The following RIMS1 variants were observed in gnomAD, a reference collection of about 807,000 sequenced individuals.
RIMS1 encodes the protein regulating synaptic membrane exocytosis 1, also known as regulating synaptic membrane exocytosis protein 1.
A neutral mutation model predicts 214.1 loss-of-function variants in RIMS1; 83 were observed. That is an observed-to-expected ratio of 0.39 (90% CI 0.32 to 0.47). The LOEUF is 0.47. RIMS1 is among the 20% of genes least tolerant of loss of function. The pLI, the probability that RIMS1 is intolerant of heterozygous loss-of-function variation, is 0.99. For missense variants in RIMS1, 2,050 were observed against 2,161.8 expected, an observed-to-expected ratio of 0.95 and a Z score of 1.03; for synonymous variants, 793 against 786.8, an observed-to-expected ratio of 1.01 and a Z score of -0.13.
chr6:72,123,596 T>C (rs1174519585), intron 4 of RIMS1, among the ~76,000 whole-genome samples: 3 of 151,880 alleles, frequency 2.0e-5, no homozygotes, highest in South Asian at 2.1e-4. Flanking sequence ...ATTATTATTG[T>C]GAGGGAGTCT....
At chr6:72,013,104 T>G (rs1036893438) in intron 2 of RIMS1, among the ~76,000 whole-genome samples, 1 of 152,190 alleles carries the variant, frequency 6.6e-6, no homozygotes, top group African/African-American at 2.4e-5. Flanking sequence ...TAAAGTCCCT[T>G]CAAGCACCAT....
chr6:72,040,246 A>C (rs1277021268), intron 2 of RIMS1, among the ~76,000 whole-genome samples: 1 of 152,046 alleles, frequency 6.6e-6, no homozygotes, highest in Non-Finnish European at 1.5e-5. Flanking sequence ...TATGCATGAT[A>C]ATTCCCCTGG....
At chr6:72,383,502 A>G (rs757997952) in intron 29 of RIMS1, among the ~76,000 whole-genome samples, 2 of 151,280 alleles carry the variant, frequency 1.3e-5, no homozygotes, top group East Asian at 2.0e-4. Flanking sequence ...GGCCAGGCAC[A>G]GTGGCTCATG....
intron 29 of RIMS1, among the ~76,000 whole-genome samples, chr6:72,379,785 G>A (rs1175746490): frequency 6.6e-6 from 1 of 152,146 alleles, no homozygotes; most frequent in Admixed American, 6.5e-5. Flanking sequence ...TAGGCTGCCT[G>A]CAGGCACAGA....
intron 1 of RIMS1, among the ~76,000 whole-genome samples, chr6:71,913,613 A>AT (rs1777542176): frequency 6.6e-6 from 1 of 152,176 alleles, no homozygotes; most frequent in African/African-American, 2.4e-5. Flanking sequence ...GAGCTTAGAA[A>AT]TGACTCAAGA....
chr6:72,220,707 A>G (rs888711146), intron 6 of RIMS1, among the ~76,000 whole-genome samples: 7 of 152,134 alleles, frequency 4.6e-5, no homozygotes, highest in African/African-American at 1.7e-4. Flanking sequence ...ATATGTGATG[A>G]TTAGACAGAT....
intron 4 of RIMS1, among the ~76,000 whole-genome samples, chr6:72,124,790 A>G (rs1355710643): frequency 3.3e-5 from 5 of 152,006 alleles, no homozygotes; most frequent in Admixed American, 1.3e-4. Context: ...GCTTGTGCAT[A>G]TATCACATAG....
At chr6:72,133,083 AACAG>A (rs2040708796) in intron 4 of RIMS1, among the ~76,000 whole-genome samples, 1 of 152,192 alleles carries the variant, frequency 6.6e-6, no homozygotes, top group South Asian at 2.1e-4. Context: ...CTGTCTGAAA[AACAG>A]ACAGGCAACA....
chr6:72,166,715 T>TTAA lies in RIMS1; in HGVS notation c.472-12860_472-12859insTAA, dbSNP rs374888910. On this transcript the variant is annotated intron_variant, in intron 4 of 33. Coordinates refer to ENST00000521978, the MANE Select transcript of RIMS1 (RefSeq NM_014989.7). ...GCGTAATGAGATCCCGTCTCTATTT[T>TTAA]AAAAAAAAAAAGTAACTCTCTTAAT... Among the ~76,000 whole-genome samples, 323 of 149,530 alleles carry TTAA rather than the reference T, an allele frequency of 2.2e-3. 4 individuals carry two copies. The highest frequency in any genetic ancestry group is 6.8e-3 in the African/African-American group (279 of 40,782).
intron 1 of RIMS1, among the ~76,000 whole-genome samples, chr6:71,926,790 G>A (rs1480606452): frequency 6.6e-6 from 1 of 152,010 alleles, no homozygotes; most frequent in African/African-American, 2.4e-5. Flanking sequence ...TAACTACATA[G>A]GTACGATTCA....
chr6:71,989,534 C>T (rs1800959144), intron 2 of RIMS1, among the ~76,000 whole-genome samples: 1 of 152,140 alleles, frequency 6.6e-6, no homozygotes, highest in East Asian at 1.9e-4. Flanking sequence ...TAATTTGTCT[C>T]ATCTCAAAGC....
At chr6:72,314,159 A>C (rs1017014695) in intron 28 of RIMS1, among the ~76,000 whole-genome samples, 1 of 152,174 alleles carries the variant, frequency 6.6e-6, no homozygotes, top group African/African-American at 2.4e-5. Context: ...ATTTTGTTTA[A>C]GTCACCAGTA....
intron 1 of RIMS1, among the ~76,000 whole-genome samples, chr6:71,952,755 G>A (rs1183092566): frequency 3.3e-5 from 5 of 152,158 alleles, no homozygotes; most frequent in African/African-American, 4.8e-5. Flanking sequence ...AGGGCACAGC[G>A]TTTATTTCTC....
At chr6:72,082,933 A>C (rs191806528) in intron 2 of RIMS1, among the ~76,000 whole-genome samples, 1 of 152,336 alleles carries the variant, frequency 6.6e-6, no homozygotes, top group East Asian at 1.9e-4. Flanking sequence ...AGCAGGTTGA[A>C]GAGCTTTATA....
At chr6:72,113,944 T>A (rs1393674995) in intron 4 of RIMS1, among the ~76,000 whole-genome samples, 1 of 152,120 alleles carries the variant, frequency 6.6e-6, no homozygotes, top group Non-Finnish European at 1.5e-5. Context: ...ACACCAATAA[T>A]GTAACCTGTA....
intron 5 of RIMS1, among the ~76,000 whole-genome samples, chr6:72,181,851 G>T (rs1021366748): frequency 6.6e-6 from 1 of 152,168 alleles, no homozygotes; most frequent in African/African-American, 2.4e-5. Context: ...ATAATTAGTA[G>T]AGCAAAGAAT....
At chr6:72,132,798 T>G (rs1209206987) in intron 4 of RIMS1, among the ~76,000 whole-genome samples, 1 of 152,232 alleles carries the variant, frequency 6.6e-6, no homozygotes, top group Non-Finnish European at 1.5e-5. Context: ...GAATGTGGTT[T>G]AGTAATGAAG....
At chr6:72,126,813 A>G (rs1014515437) in intron 4 of RIMS1, 4 of 181,440 alleles carry the variant, frequency 2.2e-5, no homozygotes, top group African/African-American at 9.5e-5. Flanking sequence ...TGAATAAGGA[A>G]CACTGCTACA....
At chr6:72,221,765 A>G (rs1386941410) in intron 6 of RIMS1, among the ~76,000 whole-genome samples, 1 of 151,906 alleles carries the variant, frequency 6.6e-6, no homozygotes, top group African/African-American at 2.4e-5. Flanking sequence ...TTAAGCTATG[A>G]TATTTTTTCT....
Sources: gnomAD v4.1 joint callset for allele counts (sites outside exome capture counted in the v4.1 genomes callset) on GRCh38, gnomAD v4.1.1 for gene constraint, MANE v1.5 for transcripts, NCBI Gene and HGNC (gene_info 2026-07-23, HGNC 2026-07-21) for gene names.